The following MEIS1 variants were observed in gnomAD, a reference collection of about 807,000 sequenced individuals.
MEIS1 encodes the protein homeobox protein Meis1.
Under a neutral mutation model 50.8 loss-of-function variants are expected in MEIS1, and 5 were observed. The observed-to-expected ratio is 0.10, with a 90% CI of 0.05 to 0.21. The LOEUF (loss-of-function observed/expected upper bound fraction) is 0.21. MEIS1 is among the 10% of genes least tolerant of loss of function. MEIS1 has a pLI of 1.00. For missense variants in MEIS1, 318 were observed against 517.3 expected (o/e 0.61, Z 3.74); for synonymous variants, 176 against 179.3 (o/e 0.98, Z 0.15).
chr2:66,527,697 T>C (rs1572879630), intron 8 of MEIS1, among the ~76,000 whole-genome samples: 2 of 151,740 alleles, frequency 1.3e-5, no homozygotes, highest in Middle Eastern at 6.8e-3. Flanking sequence ...GAATACCTTA[T>C]GCTTTTTGGT....
At chr2:66,467,382 A>T (rs965393363) in intron 7 of MEIS1, among the ~76,000 whole-genome samples, 1 of 152,102 alleles carries the variant, frequency 6.6e-6, no homozygotes, top group Non-Finnish European at 1.5e-5. Flanking sequence ...GGGGGTCACA[A>T]GGTCAGGAGT....
intron 9 of MEIS1, among the ~76,000 whole-genome samples, chr2:66,549,133 A>G (rs954995834): frequency 3.9e-5 from 6 of 152,204 alleles, no homozygotes; most frequent in African/African-American, 1.4e-4. Flanking sequence ...ATTTCTGTCA[A>G]TATAATCCCA....
At chr2:66,445,395 A>C (rs1672106640) in intron 6 of MEIS1, 2 of 152,426 alleles carry the variant, frequency 1.3e-5, no homozygotes, top group African/African-American at 2.4e-5. Flanking sequence ...AGGCGCGACG[A>C]ATGAAGCACC....
intron 6 of MEIS1, among the ~76,000 whole-genome samples, chr2:66,444,825 G>A (rs1672089957): frequency 6.6e-6 from 1 of 152,184 alleles, no homozygotes; most frequent in Non-Finnish European, 1.5e-5. Flanking sequence ...CGGAGTGCTG[G>A]GTACATAAAG....
chr2:66,551,444 T>C (rs1177893392), intron 9 of MEIS1, among the ~76,000 whole-genome samples: 1 of 152,088 alleles, frequency 6.6e-6, no homozygotes, highest in Non-Finnish European at 1.5e-5. Context: ...CTTATTTTGG[T>C]CCAATTGTCA....
chr2:66,571,284 G>T lies in MEIS1; in HGVS notation c.*76G>T, dbSNP rs368247164. ...GCCAGGGGAGTATGTAGCCCGGGGT[G>T]GTCCAATGGGTGTGAGTATGGGACA... On this transcript the variant is annotated 3_prime_UTR_variant, in exon 13 of 13. Coordinates refer to ENST00000272369, the MANE Select transcript of MEIS1 (RefSeq NM_002398.3). 7.5e-6 allele frequency: 12 copies of T among 1,596,572 alleles called. No homozygotes were observed. In the South Asian group the frequency reaches 1.1e-4, roughly 15 times the overall value.
chr2:66,490,856 TATCGG>T (rs1312151507), intron 7 of MEIS1, among the ~76,000 whole-genome samples: 1 of 152,188 alleles, frequency 6.6e-6, no homozygotes, highest in African/African-American at 2.4e-5. Flanking sequence ...TGTTAGTCCA[TATCGG>T]GACTTTGCAC....
intron 9 of MEIS1, among the ~76,000 whole-genome samples, chr2:66,554,294 A>T (rs76205499): frequency 0.02 from 3,040 of 152,314 alleles, 45 homozygotes; most frequent in Non-Finnish European, 0.031. Flanking sequence ...GCAAATCCTA[A>T]TTAAGCCAGT....
At chr2:66,531,573 C>T (rs576155595) in intron 8 of MEIS1, among the ~76,000 whole-genome samples, 49 of 152,164 alleles carry the variant, frequency 3.2e-4, no homozygotes, top group Non-Finnish European at 5.9e-4. Context: ...TGGTGTATTG[C>T]GGACATTTCT....
At position 66,467,354 on chromosome 2, in the gene MEIS1, T is replaced by C. The variant is rs561381742; in HGVS notation, c.742+3134T>C. Among the ~76,000 whole-genome samples the C allele has an allele frequency of 7.4e-3, 1,080 of 145,704 alleles. 14 individuals carry two copies. Among genetic ancestry groups the C allele is most frequent in the African/African-American group, 0.028 (1,042 of 37,650 alleles). On this transcript the variant is annotated intron_variant, in intron 7 of 12. Coordinates refer to ENST00000272369, the MANE Select transcript of MEIS1 (RefSeq NM_002398.3). ...GCTCACGCCTGTAATCCCAGCAGTT[T>C]AGGAGGCCGAGGTAGGGGGGGGTCA...
At chr2:66,520,061 G>T (rs1046234586) in intron 8 of MEIS1, among the ~76,000 whole-genome samples, 5 of 152,112 alleles carry the variant, frequency 3.3e-5, no homozygotes, top group Non-Finnish European at 7.3e-5. Flanking sequence ...TTTTTGGGAT[G>T]TCCAGAGACC....
rs181223333 is a variant in MEIS1 at position 66,447,172 on chromosome 2, G to A, written c.630+4124G>A. 6.0e-4 allele frequency among the ~76,000 whole-genome samples: 91 copies of A among 152,292 alleles called. 1 individual carries two copies. The highest frequency in any genetic ancestry group is 1.5e-3 in the African/African-American group (64 of 41,546). ...GGCCAGCGAATATTTACGAATACTAGAAATGTCCGCAATTCCTTGTCATCC... is the reference window on the plus strand; with the variant it reads ...GGCCAGCGAATATTTACGAATACTAAAAATGTCCGCAATTCCTTGTCATCC... On this transcript the variant is annotated intron_variant, in intron 6 of 12. Coordinates refer to ENST00000272369, the MANE Select transcript of MEIS1 (RefSeq NM_002398.3).
chr2:66,548,824 G>A (rs541034315), intron 9 of MEIS1, among the ~76,000 whole-genome samples: 1 of 152,290 alleles, frequency 6.6e-6, no homozygotes, highest in East Asian at 1.9e-4. Flanking sequence ...TTTTAGATTA[G>A]TGTTTATGAT....
intron 8 of MEIS1, among the ~76,000 whole-genome samples, chr2:66,524,028 A>G (rs779254643): frequency 3.3e-5 from 5 of 152,264 alleles, no homozygotes; most frequent in East Asian, 1.9e-4. Context: ...ATGTACTTGC[A>G]TGTCAGAGAC....
chr2:66,539,727 T>A (rs1453096826), intron 8 of MEIS1, among the ~76,000 whole-genome samples: 1 of 152,198 alleles, frequency 6.6e-6, no homozygotes, highest in African/African-American at 2.4e-5. Flanking sequence ...TCCACTCTTA[T>A]TAATACTGCT....
rs139716240 is a variant in MEIS1 at position 66,559,844 on chromosome 2, C to T, written c.966-7609C>T. On this transcript the variant is annotated intron_variant, in intron 9 of 12. Coordinates refer to ENST00000272369, the MANE Select transcript of MEIS1 (RefSeq NM_002398.3). ...CCCTGTCTCATTCTGTTGCCTAGGC[C>T]GGAATGCCATGGTGTGATCATGATT... Among the ~76,000 whole-genome samples, 319 of 152,116 alleles carry T rather than the reference C, an allele frequency of 2.1e-3. 3 individuals are homozygous for T. Among genetic ancestry groups the T allele is most frequent in the Non-Finnish European group, 3.6e-3 (245 of 68,010 alleles).
chr2:66,545,830 C>T (rs13029520), intron 8 of MEIS1, among the ~76,000 whole-genome samples: 55,077 of 151,958 alleles, frequency 0.36, 10,331 homozygotes, highest in Middle Eastern at 0.4. Flanking sequence ...TATATACCTT[C>T]ATTTGAAGAA....
chr2:66,436,259 A>G (rs950780008), intron 1 of MEIS1, among the ~76,000 whole-genome samples: 1 of 152,254 alleles, frequency 6.6e-6, no homozygotes, highest in African/African-American at 2.4e-5. Context: ...GATTATGCTC[A>G]TCTTTAATAT....
intron 7 of MEIS1, among the ~76,000 whole-genome samples, chr2:66,498,218 G>C (rs1407320648): frequency 2.0e-5 from 3 of 152,106 alleles, no homozygotes; most frequent in Admixed American, 2.0e-4. Flanking sequence ...CATTCGCTGA[G>C]CTAAGCCACT....
Sources: allele counts gnomAD v4.1 joint callset (sites outside exome capture counted in the v4.1 genomes callset), GRCh38; gene constraint gnomAD v4.1.1; transcripts MANE v1.5; gene names NCBI Gene and HGNC (gene_info 2026-07-23, HGNC 2026-07-21).